STAG1: variants seen among roughly 807,000 people sequenced by gnomAD.
STAG1 encodes cohesin subunit SA-1.
Under a neutral mutation model 170.9 loss-of-function variants are expected in STAG1, and 26 were observed. The observed-to-expected ratio is 0.15, with a 90% CI of 0.11 to 0.21. The LOEUF (loss-of-function observed/expected upper bound fraction) is 0.21. Among genes scored for constraint, STAG1 ranks in the 10% least tolerant of loss-of-function variants. The probability of loss-of-function intolerance (pLI) is 1.00; values close to 1 mark genes in which losing one functional copy is unlikely to be tolerated. For missense variants in STAG1, 964 were observed against 1,509.5 expected (o/e 0.64, Z 5.99); for synonymous variants, 514 against 497.7 (o/e 1.03, Z -0.44).
intron 6 of STAG1, among the ~76,000 whole-genome samples, chr3:136,523,301 G>C (rs1255450399): frequency 2.0e-5 from 3 of 152,024 alleles, no homozygotes; most frequent in Non-Finnish European, 2.9e-5. Flanking sequence ...GTTTTGATTT[G>C]CATTTCTCTG....
intron 3 of STAG1, among the ~76,000 whole-genome samples, chr3:136,610,226 G>A (rs1939201750): frequency 6.6e-6 from 1 of 151,948 alleles, no homozygotes; most frequent in Non-Finnish European, 1.5e-5. Context: ...TAGTAGAGAT[G>A]GGATTTCACC....
intron 3 of STAG1, among the ~76,000 whole-genome samples, chr3:136,610,751 A>G (rs1270934402): frequency 6.6e-6 from 1 of 152,210 alleles, no homozygotes; most frequent in African/African-American, 2.4e-5. Context: ...ATGAAAGAAA[A>G]AAAACACATT....
intron 4 of STAG1, among the ~76,000 whole-genome samples, chr3:136,575,413 C>T (rs769785571): frequency 4.6e-5 from 7 of 152,088 alleles, no homozygotes; most frequent in South Asian, 2.1e-4. Context: ...TTGGTAGAGA[C>T]GGGATTTCGC....
intron 2 of STAG1, among the ~76,000 whole-genome samples, chr3:136,628,773 T>C (rs569399039): frequency 6.6e-6 from 1 of 152,302 alleles, no homozygotes; most frequent in South Asian, 2.1e-4. Flanking sequence ...CTGCTCTACA[T>C]GTTATATCTA....
chr3:136,624,136 T>C (rs1358853454), intron 2 of STAG1, among the ~76,000 whole-genome samples: 1 of 151,950 alleles, frequency 6.6e-6, no homozygotes, highest in African/African-American at 2.4e-5. Context: ...TCTCACTCTG[T>C]CGCCCAGGCT....
At position 136,717,849 on chromosome 3, in the gene STAG1, T is replaced by C. The variant is rs377278453; in HGVS notation, c.-84+34346A>G. On this transcript the variant is annotated intron_variant, in intron 1 of 33. Transcript: ENST00000383202. The stretch of plus-strand genomic sequence containing the variant: ...ATGCAAATGATAGAAATAATTCCTC[T>C]AAAGCAGTAATAAAATGAATTCAAA... Among the ~76,000 whole-genome samples, 5 of 152,206 alleles carry C rather than the reference T, an allele frequency of 3.3e-5. No homozygotes were observed. The East Asian group carries it at 5.8e-4, about 18-fold the overall frequency.
chr3:136,380,123 C>T (rs1488792591), intron 22 of STAG1, among the ~76,000 whole-genome samples: 1 of 152,196 alleles, frequency 6.6e-6, no homozygotes, highest in Non-Finnish European at 1.5e-5. Context: ...AAAACTGATA[C>T]TCACAGCACC....
intron 1 of STAG1, among the ~76,000 whole-genome samples, chr3:136,724,102 T>G (rs924462395): frequency 6.6e-6 from 1 of 151,374 alleles, no homozygotes. Flanking sequence ...CTGGGAGGTG[T>G]ACCCAACAGC....
At chr3:136,738,345 G>A (rs1190498086) in intron 1 of STAG1, among the ~76,000 whole-genome samples, 1 of 152,096 alleles carries the variant, frequency 6.6e-6, no homozygotes, top group Non-Finnish European at 1.5e-5. Flanking sequence ...ACAAAAATTA[G>A]CAGGGCATGG....
intron 4 of STAG1, among the ~76,000 whole-genome samples, chr3:136,589,788 G>A (rs1456628240): frequency 6.6e-6 from 1 of 151,628 alleles, no homozygotes; most frequent in Non-Finnish European, 1.5e-5. Flanking sequence ...AAAATTAGCT[G>A]GGCGTGGTGG....
intron 23 of STAG1, among the ~76,000 whole-genome samples, chr3:136,376,303 T>C (rs552048261): frequency 1.2e-4 from 18 of 152,302 alleles, no homozygotes; most frequent in African/African-American, 4.3e-4. Context: ...TACACAAATG[T>C]ACTCCCCAAT....
chr3:136,566,104 G>GTA, intron 5 of STAG1, among the ~76,000 whole-genome samples: 1 of 152,236 alleles, frequency 6.6e-6, no homozygotes, highest in Non-Finnish European at 1.5e-5. Flanking sequence ...AAAGAGAGAG[G>GTA]TGGTAACTGC....
intron 5 of STAG1, among the ~76,000 whole-genome samples, chr3:136,545,394 T>TA (rs1437560101): frequency 6.6e-6 from 1 of 152,152 alleles, no homozygotes; most frequent in East Asian, 1.9e-4. Context: ...TTATATAACC[T>TA]AGCCTGATAA....
At position 136,623,223 on chromosome 3, in the gene STAG1, G is replaced by A. The variant is rs1239075668; in HGVS notation, c.55C>T (p.His19Tyr). ...LQDSTNETTA[H>Y]SDAGSELEET... ...TCAAGCTCGCTGCCAGCATCGGAAT[G>A]GGCAGTAGTTTCATTAGTTGAATCC... The change falls in exon 3 of 34, where the codon CAT (histidine) becomes TAT (tyrosine). Residue 19 changes from histidine to tyrosine, a missense_variant. Around this residue, in one of 11 missense-constraint regions of STAG1, gnomAD observed 108 missense variants for 120.2 expected, o/e 0.90. Coordinates refer to ENST00000383202, the MANE Select transcript of STAG1 (RefSeq NM_005862.3). 1 of 1,613,380 alleles carries A rather than the reference G, an allele frequency of 6.2e-7. No homozygotes were observed. Among genetic ancestry groups the A allele is most frequent in the East Asian group, 2.2e-5 (1 of 44,846 alleles).
chr3:136,729,236 G>A (rs929832648), intron 1 of STAG1, among the ~76,000 whole-genome samples: 1 of 151,892 alleles, frequency 6.6e-6, no homozygotes, highest in African/African-American at 2.4e-5. Context: ...AAACTCCTGA[G>A]GTCAAGTGAT....
intron 22 of STAG1, among the ~76,000 whole-genome samples, chr3:136,393,072 ACTGT>A (rs1330969495): frequency 6.6e-6 from 1 of 152,154 alleles, no homozygotes; most frequent in African/African-American, 2.4e-5. Flanking sequence ...TTGCTCCCTC[ACTGT>A]CTAAATGACC....
At chr3:136,476,076 CCT>C (rs2089742511) in intron 10 of STAG1, among the ~76,000 whole-genome samples, 1 of 152,176 alleles carries the variant, frequency 6.6e-6, no homozygotes, top group Non-Finnish European at 1.5e-5. Context: ...CTCCCCATTT[CCT>C]CTGAATTTGT....
intron 3 of STAG1, among the ~76,000 whole-genome samples, chr3:136,618,882 C>T (rs989261235): frequency 4.6e-5 from 7 of 151,620 alleles, no homozygotes; most frequent in Admixed American, 2.0e-4. Context: ...TAAAGTGCTG[C>T]GAAGAGATAT....
intron 1 of STAG1, among the ~76,000 whole-genome samples, chr3:136,666,896 G>C (rs1941802155): frequency 6.6e-6 from 1 of 151,308 alleles, no homozygotes; most frequent in African/African-American, 2.4e-5. Context: ...AAATGAAGAA[G>C]ACAATATAAG....
Sources: gnomAD v4.1 joint callset for allele counts (sites outside exome capture counted in the v4.1 genomes callset) on GRCh38, gnomAD v4.1.1 for gene constraint, gnomAD v4.1.1 regional missense constraint, MANE v1.5 for transcripts, NCBI Gene and HGNC (gene_info 2026-07-23, HGNC 2026-07-21) for gene names.